Variants in CCDC138 observed in about 807,000 individuals in gnomAD.
CCDC138 encodes the protein coiled-coil domain-containing protein 138.
CCDC138 carries 66 observed loss-of-function variants against 82.3 expected under a neutral mutation model. The observed-to-expected ratio is 0.80, with a 90% CI of 0.66 to 0.98. CCDC138 has a LOEUF of 0.98. CCDC138 is among the 50% of genes least tolerant of loss of function. The pLI is 0.00. For missense variants in CCDC138, 816 were observed against 758.9 expected (o/e 1.08, Z -0.88); for synonymous variants, 297 against 265.4 (o/e 1.12, Z -1.16).
chr2:108,811,970 A>T (rs988750244), intron 7 of CCDC138, among the ~76,000 whole-genome samples: 9 of 152,208 alleles, frequency 5.9e-5, no homozygotes, highest in Non-Finnish European at 1.2e-4. Context: ...CTATGGCCAC[A>T]TAGTATTCTA....
At chr2:108,789,017 A>C (rs779144795) in intron 3 of CCDC138, 51 bp downstream of exon 3, 1 of 1,596,980 alleles carries the variant, frequency 6.3e-7, no homozygotes, top group Non-Finnish European at 8.6e-7. Context: ...ATCTCAAAAA[A>C]CTGAGAAAGA....
rs754292524 is a variant in CCDC138, at chr2:108,791,746, A to T, written c.338A>T (p.Asp113Val). 4 of 1,605,874 alleles carry T rather than the reference A, an allele frequency of 2.5e-6. No homozygotes were observed. Among genetic ancestry groups the T allele is most frequent in the East Asian group, 4.5e-5 (2 of 44,668 alleles). Residue 113 changes from aspartate (D) to valine (V), a missense_variant, in exon 4 of 15, where the codon GAT (aspartate) becomes GTT (valine). Coordinates refer to ENST00000295124, the MANE Select transcript of CCDC138 (RefSeq NM_144978.3). ...QETEEELIEN[D>V]YRVSTSKITK... Reference sequence around the variant, plus strand: ...ACAGAAGAAGAGTTAATTGAAAATGATTATAGAGTTAGTACCTCGAAAATA... The same window carrying T: ...ACAGAAGAAGAGTTAATTGAAAATGTTTATAGAGTTAGTACCTCGAAAATA...
At chr2:108,831,523 A>G (rs924712837) in intron 10 of CCDC138, among the ~76,000 whole-genome samples, 2 of 152,350 alleles carry the variant, frequency 1.3e-5, no homozygotes, top group Admixed American at 6.5e-5. Context: ...TCATGAAAAT[A>G]TGAAATGGCT....
chr2:108,811,952 A>G (rs1404992349), intron 7 of CCDC138, among the ~76,000 whole-genome samples: 1 of 152,150 alleles, frequency 6.6e-6, no homozygotes, highest in East Asian at 1.9e-4. Flanking sequence ...ACATGATTTC[A>G]TTCTTTACTA....
chr2:108,794,355 T>A (rs1361901814), intron 4 of CCDC138, 185 bp from the exon 5 acceptor site: 1 of 159,432 alleles, frequency 6.3e-6, no homozygotes, highest in Admixed American at 6.6e-5. Context: ...TCAATTGCTG[T>A]ATACCCTTCA....
At chr2:108,832,650 C>T (rs1687903109) in intron 10 of CCDC138, among the ~76,000 whole-genome samples, 1 of 152,032 alleles carries the variant, frequency 6.6e-6, no homozygotes, top group African/African-American at 2.4e-5. Context: ...ATTTGAGAAC[C>T]ACTGGTATAG....
intron 12 of CCDC138, among the ~76,000 whole-genome samples, chr2:108,855,443 C>T (rs1402288360): frequency 6.6e-6 from 1 of 151,270 alleles, no homozygotes; most frequent in African/African-American, 2.4e-5. Context: ...TAAAGAGTTG[C>T]GTTCAGGCTT....
At chr2:108,865,029 CT>C (rs1432911043) in intron 13 of CCDC138, among the ~76,000 whole-genome samples, 3 of 152,036 alleles carry the variant, frequency 2.0e-5, no homozygotes, top group African/African-American at 7.2e-5. Context: ...AAAAGTCTGC[CT>C]TCAGTTACTG....
rs777285125 is a variant in CCDC138, at chr2:108,786,822, T to C, written c.-1T>C. ...GGAGACTGGTACGGTTGCTGTGTGC[T>C]ATGGAGCCGAGGGTCGTCAAGCCAC... is the stretch of plus-strand genomic sequence containing the variant. On this transcript the variant is annotated 5_prime_UTR_variant, in exon 1 of 15. Transcript: ENST00000295124. 2 of 1,588,180 alleles carry C rather than the reference T, an allele frequency of 1.3e-6. No homozygotes were observed. Among genetic ancestry groups the C allele is most frequent in the South Asian group, 2.3e-5 (2 of 86,964 alleles).
At chr2:108,865,948 C>A (rs1235032232) in intron 13 of CCDC138, among the ~76,000 whole-genome samples, 1 of 152,096 alleles carries the variant, frequency 6.6e-6, no homozygotes, top group East Asian at 1.9e-4. Context: ...AAACTTTGGA[C>A]ATTAGACACA....
chr2:108,793,658 G>A (rs762719454), intron 4 of CCDC138, among the ~76,000 whole-genome samples: 7 of 151,030 alleles, frequency 4.6e-5, no homozygotes, highest in Non-Finnish European at 4.4e-5. Flanking sequence ...GTGCAGTAGC[G>A]CGATCTGGGC....
At chr2:108,799,177 A>G (rs981041388) in intron 6 of CCDC138, among the ~76,000 whole-genome samples, 4 of 152,176 alleles carry the variant, frequency 2.6e-5, no homozygotes, top group African/African-American at 9.7e-5. Context: ...AATTCAGGCC[A>G]GCATTCTTAT....
intron 11 of CCDC138, 42 bp from the exon 12 acceptor site, chr2:108,846,696 G>T: frequency 6.6e-7 from 1 of 1,524,432 alleles, no homozygotes; most frequent in Non-Finnish European, 8.9e-7. Context: ...GATATATTCT[G>T]AACATGAATA....
intron 10 of CCDC138, among the ~76,000 whole-genome samples, chr2:108,837,198 C>G (rs1228713847): frequency 6.6e-6 from 1 of 152,028 alleles, no homozygotes; most frequent in Non-Finnish European, 1.5e-5. Context: ...TTTATTATAT[C>G]GAGGTGGTTT....
intron 10 of CCDC138, among the ~76,000 whole-genome samples, chr2:108,826,882 C>G (rs1686702303): frequency 6.6e-6 from 1 of 152,158 alleles, no homozygotes; most frequent in Non-Finnish European, 1.5e-5. Flanking sequence ...AACAAGATGT[C>G]TTTCCATTTT....
chr2:108,830,080 T>G (rs1687304272), intron 10 of CCDC138, among the ~76,000 whole-genome samples: 1 of 152,174 alleles, frequency 6.6e-6, no homozygotes, highest in Non-Finnish European at 1.5e-5. Context: ...ACAAGACTAT[T>G]ATTCAGGCAT....
At chr2:108,824,685 T>C (rs1319302472) in intron 10 of CCDC138, among the ~76,000 whole-genome samples, 1 of 152,300 alleles carries the variant, frequency 6.6e-6, no homozygotes, top group East Asian at 1.9e-4. Flanking sequence ...AACATAGTCA[T>C]TTATTATCTT....
intron 10 of CCDC138, among the ~76,000 whole-genome samples, chr2:108,819,631 A>G (rs1172029260): frequency 6.6e-6 from 1 of 152,234 alleles, no homozygotes; most frequent in African/African-American, 2.4e-5. Context: ...CAGAGAAGAC[A>G]CATGTCTCAG....
intron 3 of CCDC138, among the ~76,000 whole-genome samples, chr2:108,789,248 C>T (rs76653570): frequency 6.6e-5 from 10 of 152,104 alleles, no homozygotes; most frequent in Non-Finnish European, 1.5e-4. Context: ...GTTATTCATT[C>T]AGGACCCAAA....
Sources: allele counts gnomAD v4.1 joint callset (sites outside exome capture counted in the v4.1 genomes callset), GRCh38; gene constraint gnomAD v4.1.1; transcripts MANE v1.5; gene names NCBI Gene and HGNC (gene_info 2026-07-23, HGNC 2026-07-21).